PPP1R12A: variants seen among roughly 807,000 people sequenced by gnomAD.
The protein encoded by PPP1R12A is protein phosphatase 1 regulatory subunit 12A.
PPP1R12A carries 19 observed loss-of-function variants against 139.6 expected under a neutral mutation model. The ratio of observed to expected loss-of-function variants is 0.14; its 90% CI spans 0.09 to 0.20. The LOEUF (loss-of-function observed/expected upper bound fraction) is 0.20. PPP1R12A is among the 10% of genes least tolerant of loss of function. The pLI, the probability that PPP1R12A is intolerant of heterozygous loss-of-function variation, is 1.00. For synonymous variants in PPP1R12A, 427 were observed against 420.6 expected, an observed-to-expected ratio of 1.02 and a Z score of -0.19; for missense variants, 925 against 1,211.5, an observed-to-expected ratio of 0.76 and a Z score of 3.51.
At chr12:79,788,804 TA>T (rs770920086) in intron 20 of PPP1R12A, 21 bp from the exon 21 acceptor site, 51 of 1,552,382 alleles carry the variant, frequency 3.3e-5, no homozygotes, top group Non-Finnish European at 4.3e-5. Context: ...TTAATTTAAA[TA>T]AAAAACCTTG....
chr12:79,934,772 C>T lies in PPP1R12A; in HGVS notation c.160G>A (p.Asp54Asn). The T allele has an allele frequency of 1.9e-6, 3 of 1,553,994 alleles. No individual in the cohort carries two copies. The highest frequency in any genetic ancestry group is 2.6e-6 in the Non-Finnish European group (3 of 1,148,466). Residue 54 changes from aspartate to asparagine, a missense_variant, in exon 1 of 25, where the codon GAC (aspartate) becomes AAC (asparagine). Asp to Asn is a conservative substitution (Grantham distance 23, BLOSUM62 1). Coordinates refer to ENST00000450142, the MANE Select transcript of PPP1R12A (RefSeq NM_002480.3). ...FLAACSSGDT[D>N]EVLKLLHRGA... is the part of the protein sequence containing the mutation. ...CGGTGCAGCAGCTTGAGGACCTCGT[C>T]CGTGTCGCCGCTGGAGCAAGCAGCC... is the stretch of plus-strand genomic sequence containing the variant.
At chr12:79,863,648 A>T (rs1881619065) in intron 2 of PPP1R12A, among the ~76,000 whole-genome samples, 2 of 4,720 alleles carry the variant, frequency 4.2e-4, no homozygotes, top group South Asian at 3.0e-3. Context: ...TGAAAGCAAA[A>T]AAAAAAAAAA....
intron 1 of PPP1R12A, among the ~76,000 whole-genome samples, chr12:79,927,983 CAT>C (rs1456871262): frequency 6.6e-6 from 1 of 152,154 alleles, no homozygotes; most frequent in Admixed American, 6.5e-5. Flanking sequence ...ATAGCAACTT[CAT>C]ATAGTGTCAA....
At chr12:79,914,633 T>G (rs926772893) in intron 1 of PPP1R12A, among the ~76,000 whole-genome samples, 5 of 151,950 alleles carry the variant, frequency 3.3e-5, no homozygotes, top group African/African-American at 1.2e-4. Context: ...ACAGTTAGAG[T>G]AGGCATGTTT....
At chr12:79,849,397 A>G (rs577970292) in intron 2 of PPP1R12A, among the ~76,000 whole-genome samples, 64 of 12,298 alleles carry the variant, frequency 5.2e-3, no homozygotes, top group Admixed American at 0.032. Context: ...AAAGGGGGGA[A>G]AAAAAAAAGA....
At chr12:79,791,708 A>G (rs1871891680) in intron 19 of PPP1R12A, among the ~76,000 whole-genome samples, 1 of 152,230 alleles carries the variant, frequency 6.6e-6, no homozygotes, top group South Asian at 2.1e-4. Flanking sequence ...TTTTTAGAGT[A>G]TATAGTTCAG....
At chr12:79,867,248 T>G (rs2137309614) in intron 2 of PPP1R12A, among the ~76,000 whole-genome samples, 1 of 152,074 alleles carries the variant, frequency 6.6e-6, no homozygotes, top group East Asian at 1.9e-4. Context: ...ATGTTCTCAC[T>G]CATAAGTGGG....
intron 22 of PPP1R12A, among the ~76,000 whole-genome samples, chr12:79,783,170 ATATGAGGCTGGGTG>A: frequency 6.6e-6 from 1 of 152,040 alleles, no homozygotes; most frequent in South Asian, 2.1e-4. Context: ...AGAATTTCAA[ATATGAGGCTGGGTG>A]TAGTGGCTTA....
At position 79,786,358 on chromosome 12, in the gene PPP1R12A, A is replaced by C; in HGVS notation, c.2907+16T>G. On this transcript the variant is annotated intron_variant, in intron 22 of 24. Coordinates refer to ENST00000450142, the MANE Select transcript of PPP1R12A (RefSeq NM_002480.3). The stretch of plus-strand genomic sequence containing the variant: ...AACCATTACCTTGAGAGTAACAAAA[A>C]GAAAAGGGTACAAACCTGGGTGGCC... 1 of 1,455,426 alleles carries C rather than the reference A, an allele frequency of 6.9e-7. No homozygotes were observed. The highest frequency in any genetic ancestry group is 9.3e-7 in the Non-Finnish European group (1 of 1,075,246). The allele number at this position is 1,455,426 out of a possible 1,614,324, so 90.2% of individuals were successfully genotyped here. A position where few individuals can be genotyped will look rare whatever the true frequency, so the allele number is the denominator to read the frequency against.
intron 18 of PPP1R12A, among the ~76,000 whole-genome samples, chr12:79,794,205 A>G (rs1252240853): frequency 6.6e-6 from 1 of 152,046 alleles, no homozygotes; most frequent in African/African-American, 2.4e-5. Context: ...AAAAATCAAA[A>G]GAAAAATAGA....
intron 5 of PPP1R12A, chr12:79,823,736 AG>A (rs903874934): frequency 7.2e-5 from 11 of 152,906 alleles, no homozygotes; most frequent in African/African-American, 2.6e-4. Flanking sequence ...CTGGGACCAC[AG>A]GTGCACACCT....
At chr12:79,845,253 TCACATTCTTTCTAAAA>T in intron 3 of PPP1R12A, 33 bp downstream of exon 3, 1 of 1,365,558 alleles carries the variant, frequency 7.3e-7, no homozygotes, top group South Asian at 1.3e-5. Flanking sequence ...TGGAAAAGTA[TCACATTCTTTCTAAAA>T]CATTTTTCCA....
intron 1 of PPP1R12A, among the ~76,000 whole-genome samples, chr12:79,932,473 T>C (rs925051281): frequency 2.0e-5 from 3 of 152,166 alleles, no homozygotes; most frequent in African/African-American, 4.8e-5. Flanking sequence ...GCTTCACCGA[T>C]TTAAGGCATT....
At chr12:79,922,042 G>T (rs1198359584) in intron 1 of PPP1R12A, among the ~76,000 whole-genome samples, 1 of 152,194 alleles carries the variant, frequency 6.6e-6, no homozygotes, top group African/African-American at 2.4e-5. Flanking sequence ...CTTGAGCCCA[G>T]GAGTTTGAAA....
chr12:79,779,750 C>G (rs1017430403), intron 23 of PPP1R12A: 4 of 180,140 alleles, frequency 2.2e-5, no homozygotes, highest in African/African-American at 9.4e-5. Flanking sequence ...AGGTAATCTC[C>G]CTATGAGCCT....
At chr12:79,782,658 CAG>C in intron 22 of PPP1R12A, 1 of 411,580 alleles carries the variant, frequency 2.4e-6, no homozygotes, top group South Asian at 1.8e-5. Flanking sequence ...AAGAAAAAAA[CAG>C]TGGCATCTTA....
Position 79,904,013 on chromosome 12 carries a change from G to A in PPP1R12A, c.237+30682C>T, listed in dbSNP as rs571174713. Among the ~76,000 whole-genome samples the A allele has an allele frequency of 2.6e-5, 4 of 151,990 alleles. No individual in the cohort carries two copies. The South Asian group carries it at 6.2e-4, about 24-fold the overall frequency. ...CTTTTTCACTTGAGGTCAGGAGTTCGAGACCAGCAAGGCCAACATGGTGAA... is the reference window on the plus strand; with the variant it reads ...CTTTTTCACTTGAGGTCAGGAGTTCAAGACCAGCAAGGCCAACATGGTGAA... On this transcript the variant is annotated intron_variant, in intron 1 of 24. Coordinates refer to ENST00000450142, the MANE Select transcript of PPP1R12A (RefSeq NM_002480.3).
intron 22 of PPP1R12A, 53 bp from the exon 23 acceptor site, chr12:79,781,915 T>C (rs2136973989): frequency 9.4e-7 from 1 of 1,062,688 alleles, no homozygotes; most frequent in Non-Finnish European, 1.4e-6. Context: ...AGTTCAGGGG[T>C]GACCACAGTA....
chr12:79,786,212 A>G (rs934766644), intron 22 of PPP1R12A, among the ~76,000 whole-genome samples, 162 bp downstream of exon 22: 7 of 152,180 alleles, frequency 4.6e-5, no homozygotes, highest in African/African-American at 1.7e-4. Context: ...ACTATTTTTT[A>G]AATTTACTCC....
Sources: allele counts gnomAD v4.1 joint callset (sites outside exome capture counted in the v4.1 genomes callset), GRCh38; gene constraint gnomAD v4.1.1; transcripts MANE v1.5; gene names NCBI Gene and HGNC (gene_info 2026-07-23, HGNC 2026-07-21).